TGFBR3: variants seen among roughly 807,000 people sequenced by gnomAD.
TGFBR3 encodes transforming growth factor beta receptor 3.
Under a neutral mutation model 87.9 loss-of-function variants are expected in TGFBR3, and 46 were observed. That is an observed-to-expected ratio of 0.52 (90% CI 0.41 to 0.67). TGFBR3 has a LOEUF of 0.67. TGFBR3 is among the 30% of genes least tolerant of loss of function. TGFBR3 has a pLI of 0.00. For missense variants in TGFBR3, 866 were observed against 1,041.9 expected (o/e 0.83, Z 2.32); for synonymous variants, 381 against 391.6 (o/e 0.97, Z 0.32).
intron 14 of TGFBR3, among the ~76,000 whole-genome samples, chr1:91,702,372 C>T (rs1312885086): frequency 5.3e-5 from 8 of 152,136 alleles, no homozygotes; most frequent in East Asian, 1.9e-4. Flanking sequence ...AATCGCCGGG[C>T]GCGGTGGCTC....
At chr1:91,687,364 A>G (rs1671124762) in intron 16 of TGFBR3, among the ~76,000 whole-genome samples, 1 of 152,186 alleles carries the variant, frequency 6.6e-6, no homozygotes. Context: ...AAGCAAAAAC[A>G]AACAAACAAA....
At chr1:91,761,318 A>C (rs1464952879) in intron 3 of TGFBR3, among the ~76,000 whole-genome samples, 1 of 152,234 alleles carries the variant, frequency 6.6e-6, no homozygotes, top group Admixed American at 6.5e-5. Context: ...GGCCTGGCTC[A>C]TACAATCAAG....
intron 1 of TGFBR3, among the ~76,000 whole-genome samples, chr1:91,904,899 A>C (rs915661162): frequency 6.6e-6 from 1 of 151,170 alleles, no homozygotes; most frequent in Non-Finnish European, 1.5e-5. Flanking sequence ...ATAGAGTTTC[A>C]CCATGGTGGC....
chr1:91,827,208 A>G (rs2391070), intron 2 of TGFBR3, among the ~76,000 whole-genome samples: 131,633 of 152,110 alleles, frequency 0.87, 57,320 homozygotes, highest in Middle Eastern at 0.91. Context: ...TGAGGCTGGC[A>G]TTTGATGTTA....
chr1:91,807,821 T>C (rs284155), intron 2 of TGFBR3, among the ~76,000 whole-genome samples: 1,846 of 152,298 alleles, frequency 0.012, 39 homozygotes, highest in African/African-American at 0.042. Context: ...CGGGAAATAG[T>C]GAACCAGGAG....
chr1:91,837,611 C>G (rs1041672837), intron 2 of TGFBR3, among the ~76,000 whole-genome samples: 28 of 151,978 alleles, frequency 1.8e-4, no homozygotes, highest in African/African-American at 6.3e-4. Context: ...TATTTAGAAC[C>G]CATTAACAAA....
chr1:91,829,528 A>G (rs1043225457), intron 2 of TGFBR3, among the ~76,000 whole-genome samples: 4 of 152,198 alleles, frequency 2.6e-5, no homozygotes, highest in African/African-American at 7.2e-5. Context: ...CCATAGAATC[A>G]TAGAACCTGT....
intron 2 of TGFBR3, among the ~76,000 whole-genome samples, chr1:91,855,748 G>A (rs945414339): frequency 3.9e-5 from 6 of 152,110 alleles, no homozygotes; most frequent in African/African-American, 1.4e-4. Context: ...GCAAAACTTA[G>A]ACTTAAGCCC....
chr1:91,860,928 T>C (rs1678158589), intron 2 of TGFBR3, among the ~76,000 whole-genome samples: 1 of 82,614 alleles, frequency 1.2e-5, no homozygotes, highest in South Asian at 5.3e-4. Flanking sequence ...CAAGACTCTG[T>C]CTCCACAAAA....
rs552736052 is a variant in TGFBR3 at position 91,808,564 on chromosome 1, C to A, written c.62-11093G>T. Among the ~76,000 whole-genome samples the A allele has an allele frequency of 1.5e-3, 231 of 152,272 alleles. 1 individual carries two copies. Among genetic ancestry groups the A allele is most frequent in the African/African-American group, 5.2e-3 (215 of 41,554 alleles). On this transcript the variant is annotated intron_variant, in intron 2 of 16. Coordinates refer to ENST00000212355, the MANE Select transcript of TGFBR3 (RefSeq NM_003243.5). ...CACTGCAAATTCCGCCTCCTGGGTTCGAGTGATTCTCCTCCCTCAGCCTCC... is the reference window on the plus strand; with the variant it reads ...CACTGCAAATTCCGCCTCCTGGGTTAGAGTGATTCTCCTCCCTCAGCCTCC...
At chr1:91,789,378 T>C (rs574063269) in intron 3 of TGFBR3, among the ~76,000 whole-genome samples, 16 of 152,222 alleles carry the variant, frequency 1.1e-4, no homozygotes, top group African/African-American at 3.4e-4. Flanking sequence ...TTACAATCTG[T>C]CCAGCCAGCA....
At chr1:91,809,868 G>A (rs1675969491) in intron 2 of TGFBR3, among the ~76,000 whole-genome samples, 1 of 152,174 alleles carries the variant, frequency 6.6e-6, no homozygotes, top group Non-Finnish European at 1.5e-5. Context: ...CCTGGTCACT[G>A]GTGTGCTCTT....
intron 2 of TGFBR3, among the ~76,000 whole-genome samples, chr1:91,827,114 C>T (rs2101075507): frequency 6.6e-6 from 1 of 152,234 alleles, no homozygotes; most frequent in East Asian, 1.9e-4. Context: ...TCCTGTGGTG[C>T]CAACATAGAA....
chr1:91,851,301 A>G (rs1677722227), intron 2 of TGFBR3, among the ~76,000 whole-genome samples: 1 of 152,178 alleles, frequency 6.6e-6, no homozygotes, highest in African/African-American at 2.4e-5. Flanking sequence ...CTCTCAGAAA[A>G]CAAAAATATG....
chr1:91,782,463 G>A (rs1674808543), intron 3 of TGFBR3, among the ~76,000 whole-genome samples: 1 of 152,188 alleles, frequency 6.6e-6, no homozygotes, highest in Admixed American at 6.5e-5. Context: ...TTGGACCAGG[G>A]CTTTCTCCTT....
At chr1:91,883,969 G>C (rs1679194982) in intron 1 of TGFBR3, among the ~76,000 whole-genome samples, 1 of 152,098 alleles carries the variant, frequency 6.6e-6, no homozygotes, top group South Asian at 2.1e-4. Flanking sequence ...TGTTTCCTAA[G>C]GAAGCCAAGT....
intron 2 of TGFBR3, among the ~76,000 whole-genome samples, chr1:91,809,624 C>T (rs1444347729): frequency 1.3e-5 from 2 of 152,168 alleles, no homozygotes; most frequent in Admixed American, 6.5e-5. Context: ...CACTGGGCCA[C>T]GAACTAAAAC....
Position 91,832,314 on chromosome 1 carries a change from G to C in TGFBR3, c.61+29157C>G, listed in dbSNP as rs17883918. 2.7e-3 allele frequency among the ~76,000 whole-genome samples: 405 copies of C among 152,272 alleles called. 3 individuals are homozygous for C. Among genetic ancestry groups the C allele is most frequent in the African/African-American group, 9.5e-3 (395 of 41,554 alleles). On this transcript the variant is annotated intron_variant, in intron 2 of 16. Coordinates refer to ENST00000212355, the MANE Select transcript of TGFBR3 (RefSeq NM_003243.5). ...CTTTGCAAATACTAAGGTCATCTTT[G>C]ATATACAGAGACAATCGATATTCCT...
chr1:91,711,090 C>T (rs933732154), intron 13 of TGFBR3, among the ~76,000 whole-genome samples: 5 of 152,212 alleles, frequency 3.3e-5, no homozygotes, highest in Non-Finnish European at 7.3e-5. Flanking sequence ...CAGGAAGCAG[C>T]TGGTCCCACA....
Sources: gnomAD v4.1 joint callset for allele counts (sites outside exome capture counted in the v4.1 genomes callset) on GRCh38, gnomAD v4.1.1 for gene constraint, MANE v1.5 for transcripts, NCBI Gene and HGNC (gene_info 2026-07-23, HGNC 2026-07-21) for gene names.